The following HYAL1 variants were observed in gnomAD, a reference collection of about 807,000 sequenced individuals.
HYAL1 encodes the protein hyaluronidase-1.
In HYAL1, 21 loss-of-function variants were observed where a neutral mutation model predicts 28.8. The ratio of observed to expected loss-of-function variants is 0.73; its 90% CI spans 0.52 to 1.05. The LOEUF (loss-of-function observed/expected upper bound fraction) is 1.05. Ranked by LOEUF, HYAL1 falls within the 50% of genes least tolerant of loss-of-function variation. HYAL1 has a pLI of 0.00. For synonymous variants in HYAL1, 200 were observed against 230.1 expected (o/e 0.87, Z 1.18); for missense variants, 491 against 579.2 (o/e 0.85, Z 1.56).
upstream of HYAL1, among the ~76,000 whole-genome samples, chr3:50,304,797 C>A (rs587671105): frequency 1.3e-5 from 2 of 152,190 alleles, no homozygotes; most frequent in East Asian, 3.9e-4. Flanking sequence ...TAGTGACCAT[C>A]TGAGCCTCTG....
In HYAL1 at chr3:50,312,161, G is replaced by A. The variant is rs1473500970; in HGVS notation, c.-310+103C>T. 823 of 156,070 alleles carry A rather than the reference G, an allele frequency of 5.3e-3. 17 individuals are homozygous for A. Among genetic ancestry groups the A allele is most frequent in the African/African-American group, 0.019 (780 of 40,246 alleles). 9.7% of individuals were successfully genotyped at this position (156,070 alleles called of 1,614,324 possible). On this transcript the variant is annotated intron_variant, in intron 1 of 5. Coordinates refer to the HYAL1 transcript ENST00000320295. ...TCCAGGACGGGGCGGCTGGCCAGGC[G>A]GGGGGTTGACCCCCCCATCTCCCTC...
chr3:50,310,772 G>T (rs1210355333), intron 1 of HYAL1, among the ~76,000 whole-genome samples: 2 of 150,244 alleles, frequency 1.3e-5, no homozygotes, highest in African/African-American at 4.9e-5. Flanking sequence ...TGTGTCCCTG[G>T]GTACTTGAGA....
chr3:50,307,010 C>T (rs1553714070), upstream of HYAL1, among the ~76,000 whole-genome samples: 1 of 149,980 alleles, frequency 6.7e-6, no homozygotes, highest in Non-Finnish European at 1.5e-5. Context: ...GCGGAGGTTG[C>T]AGTGAGCTGA....
intron 1 of HYAL1, among the ~76,000 whole-genome samples, chr3:50,311,846 C>A (rs1222235198): frequency 6.9e-6 from 1 of 145,612 alleles, no homozygotes; most frequent in African/African-American, 2.6e-5. Flanking sequence ...AGGCGGGGGG[C>A]TGACCCCCCC....
upstream of HYAL1, among the ~76,000 whole-genome samples, chr3:50,307,272 G>A (rs1702349710): frequency 6.6e-6 from 1 of 150,980 alleles, no homozygotes; most frequent in Non-Finnish European, 1.5e-5. Context: ...GGCTGAGGCA[G>A]GAGAATCGCT....
rs1553712316 is a variant in HYAL1 at position 50,300,366 on chromosome 3, C to T, written c.*117G>A. On this transcript the variant is annotated 3_prime_UTR_variant, in exon 4 of 4. Transcript: ENST00000395144. ...GCAGGGAATATGCCTGTGACAGTGG[C>T]TGAGTGTACTCTTTACTGTGACCAT... 3 of 1,010,796 alleles carry T rather than the reference C, an allele frequency of 3.0e-6. No individual in the cohort carries two copies. The highest frequency in any genetic ancestry group is 3.1e-6 in the Non-Finnish European group (2 of 643,168). 62.6% of individuals were successfully genotyped at this position (1,010,796 alleles called of 1,614,324 possible). A position where few individuals can be genotyped will look rare whatever the true frequency, so the allele number is the denominator to read the frequency against.
chr3:50,305,243 TTTTTTA>T (rs1553713817), upstream of HYAL1, among the ~76,000 whole-genome samples: 2 of 152,308 alleles, frequency 1.3e-5, no homozygotes, highest in South Asian at 2.1e-4. Context: ...CTTCTGTTTT[TTTTTTA>T]TTTTTATTTT....
At chr3:50,303,020 C>A in intron 1 of HYAL1, 40 bp from the exon 2 acceptor site, 1 of 1,453,984 alleles carries the variant, frequency 6.9e-7, no homozygotes, top group Non-Finnish European at 9.2e-7. Context: ...GTTGCAAAGT[C>A]TCCGATTCCC....
At chr3:50,307,694 A>C (rs1227873193), upstream of HYAL1, among the ~76,000 whole-genome samples, 22 of 150,000 alleles carry the variant, frequency 1.5e-4, no homozygotes, top group Admixed American at 5.9e-4. Flanking sequence ...AAAAAAAAAA[A>C]AAAAAAAAAA....
chr3:50,311,554 G>A (rs1357750092), intron 1 of HYAL1, among the ~76,000 whole-genome samples: 5 of 135,962 alleles, frequency 3.7e-5, no homozygotes, highest in East Asian at 2.4e-4. Context: ...GGGATGGGGC[G>A]GCTAGCCAGG....
At chr3:50,304,562 T>C (rs1702298429), upstream of HYAL1, among the ~76,000 whole-genome samples, 1 of 151,276 alleles carries the variant, frequency 6.6e-6, no homozygotes, top group Non-Finnish European at 1.5e-5. Flanking sequence ...TATATATTAA[T>C]TATTAATATA....
chr3:50,310,090 CTGT>C (rs1702416074), intron 1 of HYAL1, among the ~76,000 whole-genome samples: 1 of 151,342 alleles, frequency 6.6e-6, no homozygotes, highest in African/African-American at 2.5e-5. Flanking sequence ...GAATGTTCAC[CTGT>C]TGTTAGATTC....
chr3:50,300,407 G>C lies in HYAL1; in HGVS notation c.*76C>G, dbSNP rs1553712332. On this transcript the variant is annotated 3_prime_UTR_variant, in exon 4 of 4. Coordinates refer to ENST00000395144, the MANE Select transcript of HYAL1 (RefSeq NM_033159.4). ...CTGTGACCATGACTTGTATGACTGT[G>C]CATGTATTTGAGGAAGCCCTGGCCA... 1 of 1,384,846 alleles carries C rather than the reference G, an allele frequency of 7.2e-7. No individual in the cohort carries two copies. The highest frequency in any genetic ancestry group is 2.3e-5 in the East Asian group (1 of 43,896). The allele number at this position is 1,384,846 out of a possible 1,614,324, so 85.8% of individuals were successfully genotyped here.
At chr3:50,309,153 T>C (rs939564700) in intron 2 of HYAL1, among the ~76,000 whole-genome samples, 2 of 151,338 alleles carry the variant, frequency 1.3e-5, no homozygotes, top group Non-Finnish European at 2.9e-5. Context: ...AATACAGTTA[T>C]TTGCATAAGT....
Position 50,302,480 on chromosome 3 carries a change from G to T in HYAL1, c.477C>A (p.His159Gln). 6.2e-7 allele frequency: 1 copy of T among 1,614,152 alleles called. No individual in the cohort carries two copies. Among genetic ancestry groups the T allele is most frequent in the Non-Finnish European group, 8.5e-7 (1 of 1,180,008 alleles). Residue 159 changes from histidine to glutamine, a missense_variant, in exon 2 of 4, where the codon CAC becomes CAA. Transcript: ENST00000395144. The surrounding 1 kb of genome is among the most constrained non-coding windows in gnomAD (Gnocchi z 5.0). ...CCACCTGAGGAGCTGGCCAATCAGG[G>T]TGCTGTGCCTGTACCAGTGCCCGTG... Reference protein sequence around the residue: ...QRSRALVQAQHPDWPAPQVEA... With the variant: ...QRSRALVQAQQPDWPAPQVEA...
chr3:50,309,936 A>G (rs1443189905), intron 1 of HYAL1, among the ~76,000 whole-genome samples: 1 of 151,506 alleles, frequency 6.6e-6, no homozygotes, highest in Non-Finnish European at 1.5e-5. Flanking sequence ...CTTACCTGAG[A>G]TTCCTCTTAT....
intron 1 of HYAL1, among the ~76,000 whole-genome samples, chr3:50,311,309 C>T (rs1335921197): frequency 4.1e-4 from 51 of 123,058 alleles, no homozygotes; most frequent in Admixed American, 6.4e-4. Context: ...GCTGGCCGGG[C>T]GGGGGGCTGA....
Position 50,302,309 on chromosome 3 carries a change from G to A in HYAL1, c.648C>T (p.Asn216=). The change falls in exon 2 of 4, where the codon AAC becomes AAT. Residue 216 remains asparagine (N), a synonymous_variant. Transcript: ENST00000395144. This position sits in a 1 kb window ranked among gnomAD's most constrained non-coding sequence, Gnocchi z 5.0. ...DCYNYDFLSP[N]YTGQCPSGIR... is the part of the protein sequence containing the mutation. ...TGCCTGATGGGCACTGGCCGGTGTAGTTGGGGCTTAGAAAGTCATAGTTGT... is the reference window on the plus strand; with the variant it reads ...TGCCTGATGGGCACTGGCCGGTGTAATTGGGGCTTAGAAAGTCATAGTTGT... 2 of 1,613,616 alleles carry A rather than the reference G, an allele frequency of 1.2e-6. No individual in the cohort carries two copies. Among genetic ancestry groups the A allele is most frequent in the Non-Finnish European group, 8.5e-7 (1 of 1,180,012 alleles).
intron 1 of HYAL1, 136 bp downstream of exon 1, chr3:50,303,330 G>T (rs148135700): frequency 4.7e-4 from 87 of 184,712 alleles, no homozygotes; most frequent in Admixed American, 8.9e-4. Context: ...CCCGACCAAG[G>T]GGGGGAGGCC....
Sources: gnomAD v4.1 joint callset for allele counts (sites outside exome capture counted in the v4.1 genomes callset) on GRCh38, gnomAD v4.1.1 for gene constraint, Gnocchi (gnomAD v3.1) non-coding constraint, MANE v1.5 for transcripts, NCBI Gene and HGNC (gene_info 2026-07-23, HGNC 2026-07-21) for gene names.